Variants in UGT1A10 observed in about 807,000 individuals in gnomAD.
The protein encoded by UGT1A10 is UDP-glucuronosyltransferase 1A10.
UGT1A10 carries 49 observed loss-of-function variants against 45.8 expected under a neutral mutation model. The ratio of observed to expected loss-of-function variants is 1.07; its 90% CI spans 0.85 to 1.36. The LOEUF is 1.36. Among genes scored for constraint, UGT1A10 ranks in the 40% most tolerant of loss-of-function variants. UGT1A10 has a pLI of 0.00. For missense variants in UGT1A10, 745 were observed against 668.6 expected (o/e 1.11, Z -1.26); for synonymous variants, 284 against 249.7 (o/e 1.14, Z -1.29).
chr2:233,673,759 TA>T (rs1338791062), intron 1 of UGT1A10, among the ~76,000 whole-genome samples: 13 of 152,216 alleles, frequency 8.5e-5, no homozygotes, highest in African/African-American at 3.1e-4. Flanking sequence ...TATGGGTAAT[TA>T]AGGTTTTGTT....
rs749289002 is a variant in UGT1A10 at position 233,695,367 on chromosome 2, G to A, written c.855+57990G>A. On this transcript the variant is annotated intron_variant, in intron 1 of 4. Coordinates refer to ENST00000344644, the MANE Select transcript of UGT1A10 (RefSeq NM_019075.4). ...TCTCAATCTCTTGACCTCGTGGTCC[G>A]CCCACCCCAGCCTCCCAAAGTGCTG... Among the ~76,000 whole-genome samples the A allele has an allele frequency of 5.3e-5, 8 of 151,428 alleles. No individual in the cohort carries two copies. In the South Asian group the frequency reaches 1.2e-3, roughly 24 times the overall value.
intron 1 of UGT1A10, among the ~76,000 whole-genome samples, chr2:233,742,390 G>A (rs1691965200): frequency 6.6e-6 from 1 of 152,012 alleles, no homozygotes. Context: ...GATGGCTCAT[G>A]TTATTATTTG....
intron 1 of UGT1A10, among the ~76,000 whole-genome samples, chr2:233,699,536 C>G (rs1417516253): frequency 6.6e-6 from 1 of 152,218 alleles, no homozygotes; most frequent in Non-Finnish European, 1.5e-5. Context: ...CAGGGCCATT[C>G]ACATCATAGA....
At chr2:233,729,935 T>C (rs2077953750) in intron 1 of UGT1A10, 1 of 1,614,092 alleles carries the variant, frequency 6.2e-7, no homozygotes, top group African/African-American at 1.3e-5. Flanking sequence ...AGGCCAATCA[T>C]GCCCAACATG....
intron 1 of UGT1A10, among the ~76,000 whole-genome samples, chr2:233,708,913 C>T (rs1033792363): frequency 6.6e-6 from 1 of 152,118 alleles, no homozygotes; most frequent in African/African-American, 2.4e-5. Context: ...TTAGGTATTG[C>T]TTGCTACAGA....
intron 1 of UGT1A10, among the ~76,000 whole-genome samples, chr2:233,739,419 C>T (rs1027033873): frequency 2.0e-5 from 3 of 152,176 alleles, no homozygotes; most frequent in African/African-American, 4.8e-5. Flanking sequence ...TGAAAGCAGC[C>T]AGGACGAGGG....
chr2:233,678,381 C>T (rs1038540989), intron 1 of UGT1A10, among the ~76,000 whole-genome samples: 1 of 152,062 alleles, frequency 6.6e-6, no homozygotes, highest in African/African-American at 2.4e-5. Flanking sequence ...ATTGAGTGGG[C>T]TGTGGAGGAG....
intron 1 of UGT1A10, among the ~76,000 whole-genome samples, chr2:233,687,124 G>A (rs1156428889): frequency 1.3e-5 from 2 of 152,148 alleles, no homozygotes; most frequent in African/African-American, 4.8e-5. Context: ...AAAACTCAGC[G>A]TTATCTAGAT....
chr2:233,673,892 A>G (rs1272294071), intron 1 of UGT1A10, among the ~76,000 whole-genome samples: 1 of 152,166 alleles, frequency 6.6e-6, no homozygotes, highest in African/African-American at 2.4e-5. Flanking sequence ...TATTTATACC[A>G]CTTATTTTGC....
intron 1 of UGT1A10, among the ~76,000 whole-genome samples, chr2:233,756,565 C>T (rs1696262040): frequency 6.6e-6 from 1 of 152,126 alleles, no homozygotes; most frequent in East Asian, 1.9e-4. Context: ...GAGATCCTCT[C>T]AGACAAAAGG....
intron 1 of UGT1A10, among the ~76,000 whole-genome samples, chr2:233,698,748 A>G (rs12988520): frequency 6.6e-6 from 1 of 152,100 alleles, no homozygotes; most frequent in South Asian, 2.1e-4. Flanking sequence ...TTTTTACATA[A>G]TGCTATGATT....
At chr2:233,710,507 A>G (rs576426640) in intron 1 of UGT1A10, among the ~76,000 whole-genome samples, 1 of 152,168 alleles carries the variant, frequency 6.6e-6, no homozygotes, top group Non-Finnish European at 1.5e-5. Flanking sequence ...CATTCCTCTT[A>G]TGACTGATGA....
chr2:233,770,134 A>T (rs1182793290), intron 4 of UGT1A10: 14 of 152,284 alleles, frequency 9.2e-5, no homozygotes, highest in African/African-American at 3.4e-4. Flanking sequence ...AAAGTCCTCT[A>T]ATACATTATT....
intron 1 of UGT1A10, among the ~76,000 whole-genome samples, chr2:233,694,903 AC>A (rs1197699388): frequency 6.6e-6 from 1 of 152,248 alleles, no homozygotes; most frequent in Admixed American, 6.5e-5. Context: ...ATATTTTGAT[AC>A]ACGTATACAA....
At chr2:233,727,412 AG>A (rs1009370497) in intron 1 of UGT1A10, among the ~76,000 whole-genome samples, 2 of 152,150 alleles carry the variant, frequency 1.3e-5, no homozygotes, top group African/African-American at 2.4e-5. Context: ...GGGCCTCCTC[AG>A]GGTCTGGGAG....
At chr2:233,659,010 A>G (rs781075805) in intron 1 of UGT1A10, among the ~76,000 whole-genome samples, 29 of 152,208 alleles carry the variant, frequency 1.9e-4, no homozygotes, top group Non-Finnish European at 7.3e-5. Context: ...TTGAAATCAT[A>G]TTTAAGTTAC....
At chr2:233,719,417 G>A (rs368434736) in intron 1 of UGT1A10, 88 of 1,613,876 alleles carry the variant, frequency 5.5e-5, no homozygotes, top group South Asian at 3.5e-4. Flanking sequence ...AGTTACTAAC[G>A]ACCAATTCAG....
At chr2:233,676,373 C>A (rs1293259047) in intron 1 of UGT1A10, among the ~76,000 whole-genome samples, 1 of 152,192 alleles carries the variant, frequency 6.6e-6, no homozygotes, top group Non-Finnish European at 1.5e-5. Flanking sequence ...AGCAAGGTTA[C>A]AACAAATAGT....
chr2:233,754,865 T>C, intron 1 of UGT1A10: 1 of 1,351,074 alleles, frequency 7.4e-7, no homozygotes, highest in Non-Finnish European at 9.9e-7. Flanking sequence ...GTGCAGACCC[T>C]CTGCTTCTGC....
Sources: allele counts gnomAD v4.1 joint callset (sites outside exome capture counted in the v4.1 genomes callset), GRCh38; gene constraint gnomAD v4.1.1; transcripts MANE v1.5; gene names NCBI Gene and HGNC (gene_info 2026-07-23, HGNC 2026-07-21).